The following DENND1A variants were observed in gnomAD, a reference collection of about 807,000 sequenced individuals.
DENND1A encodes the protein DENN domain-containing protein 1A.
Under a neutral mutation model 113.7 loss-of-function variants are expected in DENND1A, and 51 were observed. The ratio of observed to expected loss-of-function variants is 0.45; its 90% CI spans 0.36 to 0.57. The LOEUF (loss-of-function observed/expected upper bound fraction) is 0.57, where lower values mean the gene tolerates loss of function less well. Ranked by LOEUF, DENND1A falls within the 20% of genes least tolerant of loss-of-function variation. The pLI, the probability that DENND1A is intolerant of heterozygous loss-of-function variation, is 0.00. For missense variants in DENND1A, 1,258 were observed against 1,395.9 expected (o/e 0.90, Z 1.57); for synonymous variants, 565 against 570.8 (o/e 0.99, Z 0.14).
intron 22 of DENND1A, among the ~76,000 whole-genome samples, chr9:123,385,027 T>C (rs2042483918): frequency 6.6e-6 from 1 of 152,124 alleles, no homozygotes; most frequent in Non-Finnish European, 1.5e-5. Flanking sequence ...CTGATCCAAG[T>C]ATAGTTAACA....
chr9:123,409,961 G>A (rs575479170), intron 20 of DENND1A, among the ~76,000 whole-genome samples: 7 of 152,222 alleles, frequency 4.6e-5, no homozygotes, highest in Middle Eastern at 3.4e-3. Flanking sequence ...GCATGGTGGC[G>A]GGCACCTGTT....
chr9:123,878,903 C>G, intron 2 of DENND1A, 48 bp downstream of exon 2: 1 of 1,587,798 alleles, frequency 6.3e-7, no homozygotes, highest in Non-Finnish European at 8.6e-7. Context: ...GCATAGCTAT[C>G]TCAAACAATA....
At chr9:123,794,168 G>A (rs1015539404) in intron 2 of DENND1A, among the ~76,000 whole-genome samples, 1 of 152,200 alleles carries the variant, frequency 6.6e-6, no homozygotes, top group Non-Finnish European at 1.5e-5. Flanking sequence ...GGCACCAAGA[G>A]TGTGGCAGGA....
intron 13 of DENND1A, among the ~76,000 whole-genome samples, chr9:123,498,930 C>T (rs147134487): frequency 0.026 from 3,912 of 151,886 alleles, 82 homozygotes; most frequent in Non-Finnish European, 0.037. Context: ...ACCATGTTGG[C>T]CAGGCTGGTC....
chr9:123,620,086 T>G (rs1188803460), intron 10 of DENND1A, among the ~76,000 whole-genome samples: 1 of 151,360 alleles, frequency 6.6e-6, no homozygotes, highest in African/African-American at 2.4e-5. Flanking sequence ...TGGTGGCGCA[T>G]ATCTGTAATC....
intron 7 of DENND1A, among the ~76,000 whole-genome samples, chr9:123,669,067 A>G (rs958252129): frequency 6.6e-6 from 1 of 152,214 alleles, no homozygotes; most frequent in African/African-American, 2.4e-5. Flanking sequence ...TATATATGAA[A>G]TGCTTACCAT....
intron 3 of DENND1A, among the ~76,000 whole-genome samples, chr9:123,773,089 C>T (rs1341530177): frequency 2.6e-5 from 4 of 152,094 alleles, no homozygotes; most frequent in Non-Finnish European, 5.9e-5. Flanking sequence ...GTTTTTCTTC[C>T]TAACAAAATA....
intron 11 of DENND1A, among the ~76,000 whole-genome samples, chr9:123,600,005 G>A (rs1293060558): frequency 6.6e-6 from 1 of 152,130 alleles, no homozygotes; most frequent in African/African-American, 2.4e-5. Context: ...TAGGCCAAGG[G>A]TACGGCTCTT....
chr9:123,557,933 A>G (rs893794428), intron 12 of DENND1A, among the ~76,000 whole-genome samples: 1 of 152,070 alleles, frequency 6.6e-6, no homozygotes, highest in Non-Finnish European at 1.5e-5. Context: ...CAGAGGCTAC[A>G]GTGAGCCGAG....
intron 13 of DENND1A, among the ~76,000 whole-genome samples, chr9:123,502,725 T>G (rs1444941898): frequency 6.6e-6 from 1 of 152,248 alleles, no homozygotes; most frequent in Non-Finnish European, 1.5e-5. Context: ...TCGTAGCCTG[T>G]GCCTTTGGTG....
intron 17 of DENND1A, among the ~76,000 whole-genome samples, chr9:123,451,164 C>T (rs977031845): frequency 3.9e-5 from 6 of 152,122 alleles, no homozygotes; most frequent in Admixed American, 6.5e-5. Flanking sequence ...GCTGAATGGC[C>T]GGAACAGACA....
At chr9:123,762,190 G>C (rs1181664622) in intron 4 of DENND1A, among the ~76,000 whole-genome samples, 1 of 152,184 alleles carries the variant, frequency 6.6e-6, no homozygotes, top group Non-Finnish European at 1.5e-5. Context: ...GAGGAATTCA[G>C]ATAGTTGTCT....
chr9:123,651,872 G>T, intron 9 of DENND1A, 141 bp downstream of exon 9: 2 of 567,362 alleles, frequency 3.5e-6, no homozygotes, highest in African/African-American at 1.9e-5. Flanking sequence ...AAAAAAAAAT[G>T]AACAATTAAT....
chr9:123,389,487 T>C (rs1334978944), intron 21 of DENND1A, among the ~76,000 whole-genome samples: 1 of 152,192 alleles, frequency 6.6e-6, no homozygotes, highest in African/African-American at 2.4e-5. Context: ...CAGGAAGACC[T>C]GACTTGCAGG....
At chr9:123,481,878 C>T (rs2050369432) in intron 13 of DENND1A, among the ~76,000 whole-genome samples, 1 of 151,024 alleles carries the variant, frequency 6.6e-6, no homozygotes, top group South Asian at 2.1e-4. Context: ...TCACTGCAAC[C>T]TCTGCCTTCC....
chr9:123,483,086 T>G (rs2050482208), intron 13 of DENND1A, among the ~76,000 whole-genome samples: 1 of 152,064 alleles, frequency 6.6e-6, no homozygotes, highest in Non-Finnish European at 1.5e-5. Context: ...CAGGCAGGAA[T>G]GGAAAGGGAG....
Position 123,918,445 on chromosome 9 carries a change from G to A in DENND1A, c.17+11444C>T, listed in dbSNP as rs549547134. 3.3e-5 allele frequency among the ~76,000 whole-genome samples: 5 copies of A among 149,432 alleles called. No homozygotes were observed. The South Asian group carries it at 6.3e-4, about 19-fold the overall frequency. ...GGAGCTTGCAGTGAGCTGAGATCAC[G>A]CCACTGCTCTCCAGCCTGGGCAATA... On this transcript the variant is annotated intron_variant, in intron 1 of 23. Transcript: ENST00000394215.
chr9:123,774,257 T>C (rs906617797), intron 3 of DENND1A, among the ~76,000 whole-genome samples: 3 of 152,072 alleles, frequency 2.0e-5, no homozygotes, highest in African/African-American at 7.2e-5. Flanking sequence ...AAAACTCAAG[T>C]TGAAAGTTAA....
At chr9:123,515,838 G>T (rs973049955) in intron 13 of DENND1A, among the ~76,000 whole-genome samples, 7 of 152,122 alleles carry the variant, frequency 4.6e-5, no homozygotes, top group Admixed American at 1.3e-4. Context: ...GGAAGGAGGT[G>T]GGTAGATCCC....
Sources: gnomAD v4.1 joint callset for allele counts (sites outside exome capture counted in the v4.1 genomes callset) on GRCh38, gnomAD v4.1.1 for gene constraint, MANE v1.5 for transcripts, NCBI Gene and HGNC (gene_info 2026-07-23, HGNC 2026-07-21) for gene names.